The following TMPRSS15 variants were observed in gnomAD, a reference collection of about 807,000 sequenced individuals.
TMPRSS15 encodes transmembrane serine protease 15, also known as enteropeptidase.
A neutral mutation model predicts 125.3 loss-of-function variants in TMPRSS15; 128 were observed. The ratio of observed to expected loss-of-function variants is 1.02; its 90% CI spans 0.89 to 1.18. TMPRSS15 has a LOEUF of 1.18. Among genes scored for constraint, TMPRSS15 ranks in the 50% most tolerant of loss-of-function variants. The pLI, the probability that TMPRSS15 is intolerant of heterozygous loss-of-function variation, is 0.00. For synonymous variants in TMPRSS15, 446 were observed against 423.2 expected, an observed-to-expected ratio of 1.05 and a Z score of -0.66; for missense variants, 1,283 against 1,212.7, an observed-to-expected ratio of 1.06 and a Z score of -0.86.
intron 8 of TMPRSS15, among the ~76,000 whole-genome samples, chr21:18,354,777 A>G (rs1298098943): frequency 6.6e-6 from 1 of 151,808 alleles, no homozygotes; most frequent in East Asian, 1.9e-4. Flanking sequence ...TTAACAAACA[A>G]TGCATTAGCA....
rs59103494 is a variant in TMPRSS15 at position 18,305,183 on chromosome 21, CTTTTTTTTT to C, written c.2166-7363_2166-7355del. Among the ~76,000 whole-genome samples, 15 of 86,054 alleles carry C rather than the reference CTTTTTTTTT, an allele frequency of 1.7e-4. No homozygotes were observed. In the South Asian group the frequency reaches 4.1e-3, roughly 24 times the overall value. The allele number at this position is 86,054 out of a possible 152,430, so 56.5% of individuals were successfully genotyped here. ...GGATTCCAGGATTTGAATTTCCGTACTTTTTTTTTTTTTTTTTTTTTTTGAGACGGAGTC... is the reference window on the plus strand; with the variant it reads ...GGATTCCAGGATTTGAATTTCCGTACTTTTTTTTTTTTTTGAGACGGAGTC... On this transcript the variant is annotated intron_variant, in intron 18 of 24. Coordinates refer to ENST00000284885, the MANE Select transcript of TMPRSS15 (RefSeq NM_002772.3).
At chr21:18,294,104 A>G (rs929551493) in intron 21 of TMPRSS15, among the ~76,000 whole-genome samples, 166 bp downstream of exon 21, 1 of 152,244 alleles carries the variant, frequency 6.6e-6, no homozygotes, top group African/African-American at 2.4e-5. Flanking sequence ...ATGTATCTCT[A>G]TTTTCATACA....
At chr21:18,316,100 C>A (rs1047799087) in intron 16 of TMPRSS15, among the ~76,000 whole-genome samples, 3 of 152,050 alleles carry the variant, frequency 2.0e-5, no homozygotes, top group Non-Finnish European at 4.4e-5. Context: ...TGATACTGAG[C>A]AACACCATCT....
chr21:18,302,210 A>C (rs989326430), intron 18 of TMPRSS15, among the ~76,000 whole-genome samples: 1 of 152,212 alleles, frequency 6.6e-6, no homozygotes, highest in Non-Finnish European at 1.5e-5. Context: ...AGGTTTAAGT[A>C]ATGAATAGAG....
chr21:18,310,981 G>GC (rs977855416), intron 18 of TMPRSS15, among the ~76,000 whole-genome samples: 1 of 69,428 alleles, frequency 1.4e-5, no homozygotes, highest in African/African-American at 2.7e-4. Context: ...ACATTCACTG[G>GC]GGGGGAAGAA....
intron 1 of TMPRSS15, among the ~76,000 whole-genome samples, chr21:18,413,359 C>T (rs866567123): frequency 8.2e-6 from 1 of 121,580 alleles, no homozygotes; most frequent in Admixed American, 9.1e-5. Flanking sequence ...TTCCTTCCTT[C>T]CTTTCCTTCC....
At chr21:18,451,188 A>G (rs922889123) in intron 1 of TMPRSS15, among the ~76,000 whole-genome samples, 2 of 152,138 alleles carry the variant, frequency 1.3e-5, no homozygotes, top group African/African-American at 4.8e-5. Flanking sequence ...GTAAAAACTC[A>G]TTTCTTAATA....
intron 3 of TMPRSS15, among the ~76,000 whole-genome samples, chr21:18,386,309 C>T (rs959410229): frequency 6.6e-6 from 1 of 151,988 alleles, no homozygotes; most frequent in Non-Finnish European, 1.5e-5. Context: ...ATCTGTTTCC[C>T]TAATGTGTTT....
At chr21:18,292,443 G>A (rs918985287) in intron 21 of TMPRSS15, among the ~76,000 whole-genome samples, 1 of 152,090 alleles carries the variant, frequency 6.6e-6, no homozygotes, top group South Asian at 2.1e-4. Context: ...GTAACAATTG[G>A]ACATGTGTTT....
intron 24 of TMPRSS15, among the ~76,000 whole-genome samples, chr21:18,271,741 C>CCAA (rs1198455218): frequency 6.6e-6 from 1 of 152,044 alleles, no homozygotes; most frequent in African/African-American, 2.4e-5. Flanking sequence ...CTCCTAGTCC[C>CCAA]CAACAGGCCC....
intron 15 of TMPRSS15, among the ~76,000 whole-genome samples, chr21:18,327,609 C>G (rs1454405841): frequency 6.6e-6 from 1 of 152,158 alleles, no homozygotes; most frequent in Non-Finnish European, 1.5e-5. Context: ...AAAATTTTCT[C>G]TGGAGTATTC....
intron 21 of TMPRSS15, among the ~76,000 whole-genome samples, chr21:18,281,991 G>C (rs183161747): frequency 0.013 from 2,015 of 151,132 alleles, 37 homozygotes; most frequent in African/African-American, 0.046. Context: ...CAGCTACTTC[G>C]GGGGGCAGAG....
chr21:18,458,734 G>A (rs1315919503), intron 1 of TMPRSS15, among the ~76,000 whole-genome samples: 2 of 152,116 alleles, frequency 1.3e-5, no homozygotes, highest in African/African-American at 2.4e-5. Context: ...ACCCATAGAA[G>A]AGAATCTCAA....
At chr21:18,366,755 G>A (rs1008338905) in intron 6 of TMPRSS15, among the ~76,000 whole-genome samples, 7 of 151,824 alleles carry the variant, frequency 4.6e-5, no homozygotes, top group Admixed American at 1.3e-4. Flanking sequence ...TTCTTCATAC[G>A]GAGAAACATT....
In TMPRSS15 at chr21:18,353,420, T is replaced by C. The variant is rs73323967; in HGVS notation, c.1021+303A>G. Among the ~76,000 whole-genome samples, 1,183 of 152,026 alleles carry C rather than the reference T, an allele frequency of 7.8e-3. 24 individuals carry two copies. The highest frequency in any genetic ancestry group is 0.026 in the African/African-American group (1,082 of 41,542). On this transcript the variant is annotated intron_variant, in intron 9 of 24. Coordinates refer to ENST00000284885, the MANE Select transcript of TMPRSS15 (RefSeq NM_002772.3). ...TGATCCAAATTAAGTTTATGTAGAA[T>C]TTTCTCTGAATTAGTTTTATGCTAG...
chr21:18,398,935 G>GA (rs2076068243), intron 1 of TMPRSS15, among the ~76,000 whole-genome samples: 4 of 151,518 alleles, frequency 2.6e-5, no homozygotes, highest in African/African-American at 4.8e-5. Flanking sequence ...GAATGCTGTA[G>GA]AAAATAGATA....
intron 1 of TMPRSS15, among the ~76,000 whole-genome samples, chr21:18,445,514 G>A (rs2076253713): frequency 6.6e-6 from 1 of 152,054 alleles, no homozygotes; most frequent in South Asian, 2.1e-4. Flanking sequence ...TTAACACATT[G>A]ATGGATGCTT....
chr21:18,432,926 A>G (rs917478239), intron 1 of TMPRSS15, among the ~76,000 whole-genome samples: 6 of 152,050 alleles, frequency 3.9e-5, no homozygotes, highest in Admixed American at 6.6e-5. Flanking sequence ...AAAAGTGGGG[A>G]CTAATTATTT....
intron 11 of TMPRSS15, 66 bp from the exon 12 acceptor site, chr21:18,343,722 TTTCTACA>T (rs1193071475): frequency 3.9e-5 from 59 of 1,523,696 alleles, no homozygotes; most frequent in Non-Finnish European, 5.0e-5. Context: ...TTTCAGAGCT[TTTCTACA>T]TTTTTTACTT....
Sources: allele counts gnomAD v4.1 joint callset (sites outside exome capture counted in the v4.1 genomes callset), GRCh38; gene constraint gnomAD v4.1.1; transcripts MANE v1.5; gene names NCBI Gene and HGNC (gene_info 2026-07-23, HGNC 2026-07-21).